The following SH2D4A variants were observed in gnomAD, a reference collection of about 807,000 sequenced individuals.
SH2D4A encodes the protein SH2 domain containing 4A, also known as SH2 domain-containing protein 4A.
Under a neutral mutation model 64.7 loss-of-function variants are expected in SH2D4A, and 70 were observed. That is an observed-to-expected ratio of 1.08 (90% CI 0.89 to 1.32). The LOEUF is 1.32. SH2D4A is among the 40% of genes most tolerant of loss of function. SH2D4A has a pLI of 0.00. For synonymous variants in SH2D4A, 268 were observed against 200.7 expected, an observed-to-expected ratio of 1.34 and a Z score of -2.83; for missense variants, 706 against 540.1, an observed-to-expected ratio of 1.31 and a Z score of -3.04.
chr8:19,395,499 T>C lies in SH2D4A; in HGVS notation c.*857T>C, dbSNP rs1004763672. 6.6e-6 allele frequency: 1 copy of C among 152,066 alleles called. No individual in the cohort carries two copies. Among genetic ancestry groups the C allele is most frequent in the Non-Finnish European group, 1.5e-5 (1 of 68,060 alleles). The allele number at this position is 152,066 out of a possible 1,614,324, so 9.4% of individuals were successfully genotyped here. A position where few individuals can be genotyped will look rare whatever the true frequency, so the allele number is the denominator to read the frequency against. On this transcript the variant is annotated 3_prime_UTR_variant, in exon 10 of 10. Transcript: ENST00000265807. Reference sequence around the variant, plus strand: ...AATGGGACCTTGTTTGGAAATAGGGTCTTTGCAGATATAGTCAAGATGAGG... The same window carrying C: ...AATGGGACCTTGTTTGGAAATAGGGCCTTTGCAGATATAGTCAAGATGAGG...
At chr8:19,372,297 G>C (rs1317082689) in intron 7 of SH2D4A, among the ~76,000 whole-genome samples, 1 of 152,164 alleles carries the variant, frequency 6.6e-6, no homozygotes, top group Non-Finnish European at 1.5e-5. Context: ...GCTCTCCCAA[G>C]GGCTCTATGA....
chr8:19,348,522 C>G (rs1471705712), intron 4 of SH2D4A, among the ~76,000 whole-genome samples: 1 of 152,086 alleles, frequency 6.6e-6, no homozygotes, highest in African/African-American at 2.4e-5. Flanking sequence ...TTCTTTCAAA[C>G]TAAAATTAAG....
chr8:19,386,024 G>T (rs1351190986), intron 8 of SH2D4A, among the ~76,000 whole-genome samples: 1 of 152,130 alleles, frequency 6.6e-6, no homozygotes, highest in African/African-American at 2.4e-5. Flanking sequence ...CATTTACATG[G>T]ATGACTCACA....
intron 2 of SH2D4A, among the ~76,000 whole-genome samples, chr8:19,324,323 A>C (rs1485142367): frequency 6.6e-6 from 1 of 152,254 alleles, no homozygotes; most frequent in Admixed American, 6.5e-5. Context: ...CCCTTGAAAC[A>C]GACTTGGATT....
intron 6 of SH2D4A, 57 bp downstream of exon 6, chr8:19,361,371 T>G: frequency 6.6e-7 from 1 of 1,515,626 alleles, no homozygotes; most frequent in East Asian, 2.3e-5. Context: ...TTCTCTCCCT[T>G]AATAATGTGA....
intron 5 of SH2D4A, chr8:19,360,782 C>T (rs1359630078): frequency 6.6e-6 from 1 of 152,534 alleles, no homozygotes; most frequent in African/African-American, 2.4e-5. Context: ...GATGCTAGTT[C>T]TATGTAATAG....
At chr8:19,393,297 C>T in intron 8 of SH2D4A, 21 bp from the exon 9 acceptor site, 3 of 1,612,050 alleles carry the variant, frequency 1.9e-6, no homozygotes, top group Non-Finnish European at 2.5e-6. Context: ...GAAATACCTG[C>T]CTTTTTTTGC....
chr8:19,316,733 T>G (rs1181809731), intron 1 of SH2D4A, among the ~76,000 whole-genome samples: 1 of 152,192 alleles, frequency 6.6e-6, no homozygotes, highest in East Asian at 1.9e-4. Context: ...GGCACACAAA[T>G]AAACTCACAA....
intron 1 of SH2D4A, among the ~76,000 whole-genome samples, chr8:19,316,546 C>T (rs1360402095): frequency 6.6e-6 from 1 of 152,186 alleles, no homozygotes; most frequent in Non-Finnish European, 1.5e-5. Context: ...TCCTTGCTGT[C>T]CTTCCTGGCT....
At chr8:19,375,689 GTAGTTAA>G (rs1486571485) in intron 8 of SH2D4A, 1 of 152,120 alleles carries the variant, frequency 6.6e-6, no homozygotes, top group Admixed American at 6.6e-5. Context: ...CATGATAAAT[GTAGTTAA>G]TAGAGTATTG....
At chr8:19,316,684 ATT>A (rs1311575735) in intron 1 of SH2D4A, among the ~76,000 whole-genome samples, 1 of 152,162 alleles carries the variant, frequency 6.6e-6, no homozygotes, top group African/African-American at 2.4e-5. Flanking sequence ...CCATTCTGAA[ATT>A]TCATACATGG....
intron 4 of SH2D4A, among the ~76,000 whole-genome samples, chr8:19,338,938 G>A (rs143112805): frequency 1.7e-3 from 258 of 152,280 alleles, no homozygotes; most frequent in Non-Finnish European, 2.8e-3. Flanking sequence ...AAGGAGTATT[G>A]ACTCACACGA....
intron 4 of SH2D4A, among the ~76,000 whole-genome samples, chr8:19,341,732 G>T (rs988448427): frequency 3.3e-5 from 5 of 151,694 alleles, no homozygotes; most frequent in Non-Finnish European, 7.4e-5. Context: ...AGTCCCAGCT[G>T]CTTGGGAGGC....
At chr8:19,345,617 C>A (rs1445495461) in intron 4 of SH2D4A, among the ~76,000 whole-genome samples, 1 of 152,204 alleles carries the variant, frequency 6.6e-6, no homozygotes, top group Non-Finnish European at 1.5e-5. Context: ...CAGCCCTCCC[C>A]TTGGAGACTC....
intron 2 of SH2D4A, among the ~76,000 whole-genome samples, chr8:19,323,323 G>C: frequency 6.6e-6 from 1 of 151,726 alleles, no homozygotes; most frequent in East Asian, 1.9e-4. Context: ...ATATGGAACT[G>C]ATGATATTTT....
intron 9 of SH2D4A, among the ~76,000 whole-genome samples, chr8:19,394,122 C>T (rs2053546577): frequency 6.6e-6 from 1 of 152,180 alleles, no homozygotes; most frequent in Admixed American, 6.5e-5. Flanking sequence ...CCCTCCCATG[C>T]ACAGTTCACA....
chr8:19,340,207 G>A (rs1383508005), intron 4 of SH2D4A, among the ~76,000 whole-genome samples: 1 of 152,140 alleles, frequency 6.6e-6, no homozygotes, highest in Non-Finnish European at 1.5e-5. Flanking sequence ...TGTGACTGGA[G>A]TGCAGAAGCA....
At chr8:19,342,238 G>C (rs1261481971) in intron 4 of SH2D4A, among the ~76,000 whole-genome samples, 1 of 152,206 alleles carries the variant, frequency 6.6e-6, no homozygotes, top group African/African-American at 2.4e-5. Flanking sequence ...ACTCTGCTGT[G>C]ATTATCTCAT....
intron 8 of SH2D4A, among the ~76,000 whole-genome samples, chr8:19,383,801 T>C (rs1037629772): frequency 1.3e-5 from 2 of 152,176 alleles, no homozygotes; most frequent in Non-Finnish European, 2.9e-5. Flanking sequence ...TAGTCTTTAA[T>C]GTCTGGCTGC....
Sources: allele counts gnomAD v4.1 joint callset (sites outside exome capture counted in the v4.1 genomes callset), GRCh38; gene constraint gnomAD v4.1.1; transcripts MANE v1.5; gene names NCBI Gene and HGNC (gene_info 2026-07-23, HGNC 2026-07-21).